AGPAT5: variants seen among roughly 807,000 people sequenced by gnomAD.
AGPAT5 encodes 1-acylglycerol-3-phosphate O-acyltransferase 5, also known as 1-acyl-sn-glycerol-3-phosphate acyltransferase epsilon.
AGPAT5 carries 46 observed loss-of-function variants against 45.6 expected under a neutral mutation model. The ratio of observed to expected loss-of-function variants is 1.01; its 90% CI spans 0.80 to 1.29. The LOEUF (loss-of-function observed/expected upper bound fraction) is 1.29. Among genes scored for constraint, AGPAT5 ranks in the 50% most tolerant of loss-of-function variants. The pLI is 0.00. For missense variants in AGPAT5, 673 were observed against 450.7 expected, an observed-to-expected ratio of 1.49 and a Z score of -4.47; for synonymous variants, 272 against 167.0, an observed-to-expected ratio of 1.63 and a Z score of -4.85.
chr8:6,749,604 C>G (rs761404079), intron 6 of AGPAT5, among the ~76,000 whole-genome samples: 1 of 152,168 alleles, frequency 6.6e-6, no homozygotes, highest in East Asian at 1.9e-4. Flanking sequence ...AGTATATCTT[C>G]TTATTCTACC....
chr8:6,734,961 C>CT, intron 4 of AGPAT5, among the ~76,000 whole-genome samples: 1 of 152,136 alleles, frequency 6.6e-6, no homozygotes, highest in South Asian at 2.1e-4. Flanking sequence ...GAGTGGCTCT[C>CT]TTCTTTATGC....
At chr8:6,711,231 T>G (rs1800147508) in intron 1 of AGPAT5, among the ~76,000 whole-genome samples, 1 of 152,242 alleles carries the variant, frequency 6.6e-6, no homozygotes, top group Non-Finnish European at 1.5e-5. Flanking sequence ...CCATGAGATT[T>G]ATGATCTGTG....
Position 6,741,660 on chromosome 8 carries a change from G to T in AGPAT5, c.496-1G>T. 1 of 1,600,434 alleles carries T rather than the reference G, an allele frequency of 6.2e-7. No homozygotes were observed. The highest frequency in any genetic ancestry group is 8.5e-7 in the Non-Finnish European group (1 of 1,174,034). On this transcript the variant is annotated splice_acceptor_variant, in intron 4 of 7. Coordinates refer to ENST00000285518, the MANE Select transcript of AGPAT5 (RefSeq NM_018361.5). LOFTEE classifies it high-confidence loss of function. ...AACCAAATTTGCTCTATGTCCCACA[G>T]ATGTATCTTGTGATTTTTCCAGAAG...
chr8:6,712,680 T>C (rs1213780999), intron 1 of AGPAT5, among the ~76,000 whole-genome samples: 1 of 152,248 alleles, frequency 6.6e-6, no homozygotes, highest in Non-Finnish European at 1.5e-5. Context: ...CCTTAAATTC[T>C]ATCATCGTGA....
Position 6,735,848 on chromosome 8 carries a change from C to CTTTTTTTTTTTTTTTTTTTTTTTTTT in AGPAT5, c.495+3198_495+3199insTTTTTTTTTTTTTTTTTTTTTTTTTT, listed in dbSNP as rs1563295313. On this transcript the variant is annotated intron_variant, in intron 4 of 7. Coordinates refer to ENST00000285518, the MANE Select transcript of AGPAT5 (RefSeq NM_018361.5). The stretch of plus-strand genomic sequence containing the variant: ...GTGTTCCTGTTTATTCTTTATATAG[C>CTTTTTTTTTTTTTTTTTTTTTTTTTT]CTTTTTTTTTTTTTTTTTTTTTTTG... 9.3e-5 allele frequency among the ~76,000 whole-genome samples: 5 copies of CTTTTTTTTTTTTTTTTTTTTTTTTTT among 53,612 alleles called. 2 individuals carry two copies. Among genetic ancestry groups the CTTTTTTTTTTTTTTTTTTTTTTTTTT allele is most frequent in the Non-Finnish European group, 1.2e-4 (3 of 25,736 alleles). 35.2% of individuals were successfully genotyped at this position (53,612 alleles called of 152,430 possible).
In AGPAT5 at chr8:6,760,335, T is replaced by C. The variant is rs1166726846; in HGVS notation, c.*2947T>C. Among the ~76,000 whole-genome samples the C allele has an allele frequency of 2.0e-5, 3 of 152,068 alleles. No individual in the cohort carries two copies. The highest frequency in any genetic ancestry group is 4.4e-5 in the Non-Finnish European group (3 of 68,022). ...ATCGCTTCAGCCCAGGAGGTTGAGA[T>C]TGCAGTGAGCCATGGACATACCACT... is the stretch of plus-strand genomic sequence containing the variant. On this transcript the variant is annotated 3_prime_UTR_variant, in exon 8 of 8. Transcript: ENST00000285518.
intron 3 of AGPAT5, 44 bp downstream of exon 3, chr8:6,730,870 AAT>A (rs1563291742): frequency 9.7e-6 from 12 of 1,243,196 alleles, no homozygotes; most frequent in Middle Eastern, 2.0e-4. Flanking sequence ...GTAGTTTATA[AAT>A]TTTTTTTTTT....
chr8:6,756,772 A>C (rs1183199834), intron 7 of AGPAT5, among the ~76,000 whole-genome samples: 1 of 152,168 alleles, frequency 6.6e-6, no homozygotes, highest in Non-Finnish European at 1.5e-5. Context: ...CTGTCTAAGA[A>C]CCGCTGGTCC....
chr8:6,737,028 T>C (rs546537483), intron 4 of AGPAT5, among the ~76,000 whole-genome samples: 18 of 152,298 alleles, frequency 1.2e-4, no homozygotes, highest in South Asian at 2.1e-4. Flanking sequence ...ATATCCAGCT[T>C]TTTAAGTTGT....
At chr8:6,722,531 G>A (rs956147955) in intron 1 of AGPAT5, among the ~76,000 whole-genome samples, 2 of 152,140 alleles carry the variant, frequency 1.3e-5, no homozygotes, top group African/African-American at 2.4e-5. Context: ...TGTTATGGAG[G>A]CTAAGGTGTT....
At chr8:6,733,630 G>T (rs574862778) in intron 4 of AGPAT5, among the ~76,000 whole-genome samples, 1 of 152,176 alleles carries the variant, frequency 6.6e-6, no homozygotes, top group East Asian at 1.9e-4. Context: ...AAACAGTGTG[G>T]TGAATTTGGG....
intron 1 of AGPAT5, among the ~76,000 whole-genome samples, chr8:6,712,946 G>A (rs1360710634): frequency 1.3e-5 from 2 of 152,026 alleles, no homozygotes; most frequent in Non-Finnish European, 2.9e-5. Flanking sequence ...ACTGAAAACT[G>A]ATCATTGAAA....
intron 4 of AGPAT5, among the ~76,000 whole-genome samples, chr8:6,737,956 C>A (rs770780085): frequency 1.3e-5 from 2 of 152,176 alleles, no homozygotes; most frequent in African/African-American, 2.4e-5. Flanking sequence ...GGAGTTAGGG[C>A]CTTGCTCTGG....
At chr8:6,711,223 A>T (rs1800147147) in intron 1 of AGPAT5, among the ~76,000 whole-genome samples, 1 of 152,238 alleles carries the variant, frequency 6.6e-6, no homozygotes, top group African/African-American at 2.4e-5. Context: ...TAGTAGGTCC[A>T]TGAGATTTAT....
intron 5 of AGPAT5, among the ~76,000 whole-genome samples, chr8:6,743,307 C>T (rs772052247): frequency 2.0e-5 from 3 of 152,190 alleles, no homozygotes; most frequent in Non-Finnish European, 4.4e-5. Flanking sequence ...GCTGATGACT[C>T]GCAAAAGCTT....
At chr8:6,743,770 TG>T (rs1158913553) in intron 5 of AGPAT5, among the ~76,000 whole-genome samples, 10 of 121,082 alleles carry the variant, frequency 8.3e-5, no homozygotes, top group African/African-American at 1.9e-4. Flanking sequence ...GCCCCTATGG[TG>T]GTTTTTTTTT....
intron 6 of AGPAT5, among the ~76,000 whole-genome samples, chr8:6,754,519 A>AT (rs1457588137): frequency 1.3e-5 from 2 of 152,104 alleles, no homozygotes; most frequent in Non-Finnish European, 2.9e-5. Context: ...AAAGTTGAGG[A>AT]TTATCAGGCG....
intron 6 of AGPAT5, among the ~76,000 whole-genome samples, chr8:6,753,373 A>G (rs1214426070): frequency 5.3e-5 from 8 of 152,196 alleles, no homozygotes; most frequent in African/African-American, 1.9e-4. Context: ...AATTATGGAA[A>G]TGTTGAGGTG....
chr8:6,728,413 C>T (rs1326573842), intron 2 of AGPAT5, among the ~76,000 whole-genome samples: 1 of 152,168 alleles, frequency 6.6e-6, no homozygotes, highest in Non-Finnish European at 1.5e-5. Flanking sequence ...ATTGGTGACA[C>T]AAAGCTTTTA....
Sources: allele counts gnomAD v4.1 joint callset (sites outside exome capture counted in the v4.1 genomes callset), GRCh38; gene constraint gnomAD v4.1.1; transcripts MANE v1.5; gene names NCBI Gene and HGNC (gene_info 2026-07-23, HGNC 2026-07-21).